The following ARHGAP26 variants were observed in gnomAD, a reference collection of about 807,000 sequenced individuals.
ARHGAP26 encodes rho GTPase-activating protein 26.
In ARHGAP26, 38 loss-of-function variants were observed where a neutral mutation model predicts 104.8. The ratio of observed to expected loss-of-function variants is 0.36; its 90% CI spans 0.28 to 0.48. The LOEUF (loss-of-function observed/expected upper bound fraction) is 0.48, where lower values mean the gene tolerates loss of function less well. Ranked by LOEUF, ARHGAP26 falls within the 20% of genes least tolerant of loss-of-function variation. The pLI is 0.99. For missense variants in ARHGAP26, 704 were observed against 947.9 expected, an observed-to-expected ratio of 0.74 and a Z score of 3.38; for synonymous variants, 341 against 340.0, an observed-to-expected ratio of 1.00 and a Z score of -0.03.
At chr5:142,987,709 C>T (rs1159552512) in intron 11 of ARHGAP26, among the ~76,000 whole-genome samples, 2 of 152,028 alleles carry the variant, frequency 1.3e-5, no homozygotes, top group African/African-American at 4.8e-5. Context: ...GCATGAAGAG[C>T]TGTTGAATTT....
At chr5:142,874,174 G>C (rs1486841732) in intron 2 of ARHGAP26, among the ~76,000 whole-genome samples, 6 of 152,256 alleles carry the variant, frequency 3.9e-5, no homozygotes, top group Admixed American at 3.9e-4. Context: ...TTATCACCAC[G>C]GTGTGTTGCT....
intron 17 of ARHGAP26, among the ~76,000 whole-genome samples, chr5:143,070,844 G>A (rs746889563): frequency 5.9e-5 from 9 of 152,200 alleles, no homozygotes; most frequent in East Asian, 1.9e-4. Flanking sequence ...CTGGGGACGC[G>A]GAGGTTGCAG....
chr5:142,784,144 A>G (rs568421421), intron 1 of ARHGAP26, among the ~76,000 whole-genome samples: 4 of 152,370 alleles, frequency 2.6e-5, no homozygotes, highest in East Asian at 3.9e-4. Flanking sequence ...CCATGCTGCC[A>G]GCTCTGTTTA....
At chr5:143,010,795 T>C (rs980427843) in intron 11 of ARHGAP26, 1 of 152,220 alleles carries the variant, frequency 6.6e-6, no homozygotes, top group Admixed American at 6.5e-5. Flanking sequence ...GAAGGAGGGC[T>C]GGAAGTCCTG....
intron 1 of ARHGAP26, among the ~76,000 whole-genome samples, chr5:142,838,698 A>G (rs1770112394): frequency 6.6e-6 from 1 of 152,222 alleles, no homozygotes; most frequent in African/African-American, 2.4e-5. Context: ...TTTGTTTGCT[A>G]CAAATGCACA....
At chr5:142,920,580 G>A (rs956532817) in intron 10 of ARHGAP26, among the ~76,000 whole-genome samples, 3 of 152,242 alleles carry the variant, frequency 2.0e-5, no homozygotes, top group Non-Finnish European at 2.9e-5. Context: ...CTTTTTTCTG[G>A]GGTTAGCTGA....
At chr5:143,048,787 A>G (rs1784578330) in intron 14 of ARHGAP26, among the ~76,000 whole-genome samples, 2 of 151,476 alleles carry the variant, frequency 1.3e-5, no homozygotes, top group Admixed American at 6.6e-5. Context: ...GGTGGTGCAC[A>G]TCTGTAGTCC....
At chr5:143,087,517 C>T (rs1790755024) in intron 17 of ARHGAP26, among the ~76,000 whole-genome samples, 1 of 151,988 alleles carries the variant, frequency 6.6e-6, no homozygotes, top group African/African-American at 2.4e-5. Context: ...CATACCCTCT[C>T]CATTGCAGCC....
chr5:143,183,322 A>G (rs1804666740), intron 20 of ARHGAP26, among the ~76,000 whole-genome samples: 1 of 152,182 alleles, frequency 6.6e-6, no homozygotes, highest in Non-Finnish European at 1.5e-5. Context: ...CACCTGTGAA[A>G]TGGGGCTAAT....
chr5:143,144,322 T>C (rs1798903748), intron 19 of ARHGAP26, among the ~76,000 whole-genome samples: 1 of 152,214 alleles, frequency 6.6e-6, no homozygotes, highest in African/African-American at 2.4e-5. Context: ...TGTGCGCTTC[T>C]GTCAGGAGCA....
intron 1 of ARHGAP26, among the ~76,000 whole-genome samples, chr5:142,829,631 A>G (rs1355206472): frequency 6.6e-6 from 1 of 152,244 alleles, no homozygotes; most frequent in Non-Finnish European, 1.5e-5. Flanking sequence ...GATTAAAACA[A>G]ACCAAGAATT....
intron 1 of ARHGAP26, among the ~76,000 whole-genome samples, chr5:142,837,449 C>T (rs1453344496): frequency 2.6e-5 from 4 of 151,992 alleles, no homozygotes; most frequent in South Asian, 2.1e-4. Flanking sequence ...GTAGTGAACA[C>T]GTCATTCGAA....
rs1752182211 is a variant in ARHGAP26, at chr5:142,855,365, T to C, written c.155-18035T>C. Among the ~76,000 whole-genome samples, 3 of 152,188 alleles carry C rather than the reference T, an allele frequency of 2.0e-5. No homozygotes were observed. The South Asian group carries it at 6.2e-4, about 32-fold the overall frequency. ...GATACTAGGAGGCTGCTGGTTGGTCTGAGATGAAATGAAGTGGAGGTTTTA... is the reference window on the plus strand; with the variant it reads ...GATACTAGGAGGCTGCTGGTTGGTCCGAGATGAAATGAAGTGGAGGTTTTA... On this transcript the variant is annotated intron_variant, in intron 1 of 22. Coordinates refer to ENST00000645722, the MANE Select transcript of ARHGAP26 (RefSeq NM_001135608.3).
intron 18 of ARHGAP26, among the ~76,000 whole-genome samples, chr5:143,130,737 G>A (rs1599149293): frequency 6.6e-6 from 1 of 152,204 alleles, no homozygotes; most frequent in South Asian, 2.1e-4. Context: ...ACAGTCAGCA[G>A]GCTTTAAACA....
At chr5:142,793,790 G>A (rs905610490) in intron 1 of ARHGAP26, among the ~76,000 whole-genome samples, 6 of 152,182 alleles carry the variant, frequency 3.9e-5, no homozygotes, top group African/African-American at 1.4e-4. Context: ...GTTTCTCCAT[G>A]TTGGCCAGGC....
chr5:143,037,369 C>G, intron 13 of ARHGAP26, 108 bp downstream of exon 13: 1 of 844,824 alleles, frequency 1.2e-6, no homozygotes, highest in Non-Finnish European at 1.7e-6. Flanking sequence ...CATTAGCTCC[C>G]CAAGTGCCAT....
At chr5:143,074,553 A>T (rs1000785332) in intron 17 of ARHGAP26, among the ~76,000 whole-genome samples, 5 of 152,254 alleles carry the variant, frequency 3.3e-5, no homozygotes, top group African/African-American at 1.2e-4. Context: ...TGAACATTAT[A>T]TGAAAGTCAG....
chr5:142,925,296 A>G (rs950475559), intron 10 of ARHGAP26, among the ~76,000 whole-genome samples: 12 of 152,132 alleles, frequency 7.9e-5, no homozygotes, highest in Non-Finnish European at 1.3e-4. Context: ...GAGGGGAGAT[A>G]ATTCTTTGTT....
chr5:143,079,285 A>G (rs1478464328), intron 17 of ARHGAP26, among the ~76,000 whole-genome samples: 2 of 152,230 alleles, frequency 1.3e-5, no homozygotes, highest in African/African-American at 4.8e-5. Flanking sequence ...TCAGACATCT[A>G]CTGTGAAGTA....
Sources: gnomAD v4.1 joint callset for allele counts (sites outside exome capture counted in the v4.1 genomes callset) on GRCh38, gnomAD v4.1.1 for gene constraint, MANE v1.5 for transcripts, NCBI Gene and HGNC (gene_info 2026-07-23, HGNC 2026-07-21) for gene names.